Variants in AKAP10 observed in about 807,000 individuals in gnomAD.
The protein encoded by AKAP10 is A-kinase anchoring protein 10.
In AKAP10, 24 loss-of-function variants were observed where a neutral mutation model predicts 80.8. That is an observed-to-expected ratio of 0.30 (90% confidence interval 0.22 to 0.42). AKAP10 has a LOEUF of 0.42. Among genes scored for constraint, AKAP10 ranks in the 10% least tolerant of loss-of-function variants. The pLI is 1.00. For missense variants in AKAP10, 661 were observed against 794.9 expected (o/e 0.83, Z 2.03); for synonymous variants, 291 against 277.7 (o/e 1.05, Z -0.48).
intron 5 of AKAP10, among the ~76,000 whole-genome samples, chr17:19,946,249 ATATATATATATATATATATATATATATT>A: frequency 5.9e-5 from 1 of 16,976 alleles, no homozygotes; most frequent in Non-Finnish European, 9.5e-5. Flanking sequence ...ATATATATAT[ATATATATATATATATATATATATATATT>A]TTTTTTTTTT....
rs375807748 is a variant in AKAP10 at position 19,955,221 on chromosome 17, C to CA, written c.877+2792dup. Among the ~76,000 whole-genome samples the CA allele has an allele frequency of 3.9e-3, 506 of 128,876 alleles. 2 individuals are homozygous for CA. The highest frequency in any genetic ancestry group is 0.012 in the African/African-American group (400 of 34,762). 84.5% of individuals were successfully genotyped at this position (128,876 alleles called of 152,430 possible). A position where few individuals can be genotyped will look rare whatever the true frequency, so the allele number is the denominator to read the frequency against. ...CGGGCGACAGAGCAAGACGCTGTCT[C>CA]AAAAAAAAAAATAAGAAAAAAAAAG... On this transcript the variant is annotated intron_variant, in intron 4 of 14. Coordinates refer to ENST00000225737, the MANE Select transcript of AKAP10 (RefSeq NM_007202.4).
intron 10 of AKAP10, among the ~76,000 whole-genome samples, chr17:19,930,432 A>C (rs1198443897): frequency 6.6e-6 from 1 of 152,160 alleles, no homozygotes; most frequent in African/African-American, 2.4e-5. Flanking sequence ...AACCCAAAAA[A>C]GGTCAAGGAA....
At chr17:19,946,237 T>TAATATATATA (rs1491288818) in intron 5 of AKAP10, among the ~76,000 whole-genome samples, 3 of 15,176 alleles carry the variant, frequency 2.0e-4, no homozygotes, top group Non-Finnish European at 3.1e-4. Flanking sequence ...TATATATATA[T>TAATATATATA]TATATATATA....
At chr17:19,913,461 G>A (rs1401526208) in intron 12 of AKAP10, among the ~76,000 whole-genome samples, 1 of 152,010 alleles carries the variant, frequency 6.6e-6, no homozygotes, top group East Asian at 1.9e-4. Context: ...CCTAATTGTT[G>A]TATTTTTAAT....
chr17:19,951,720 A>G (rs1215664576), intron 4 of AKAP10, among the ~76,000 whole-genome samples: 1 of 151,774 alleles, frequency 6.6e-6, no homozygotes, highest in African/African-American at 2.4e-5. Context: ...AGTCATCACC[A>G]CTCCCTAATC....
chr17:19,974,330 C>T (rs1050036030), intron 1 of AKAP10, among the ~76,000 whole-genome samples: 28 of 152,154 alleles, frequency 1.8e-4, no homozygotes, highest in African/African-American at 6.5e-4. Flanking sequence ...GTCCATCCCG[C>T]GGCCCAGGAT....
chr17:19,976,425 G>A (rs907294620), intron 1 of AKAP10, among the ~76,000 whole-genome samples: 5 of 151,680 alleles, frequency 3.3e-5, no homozygotes, highest in Non-Finnish European at 7.4e-5. Flanking sequence ...AGGTTGCAGT[G>A]AGCCGAGACT....
chr17:19,970,678 C>T (rs1234991045), intron 1 of AKAP10, among the ~76,000 whole-genome samples: 1 of 152,054 alleles, frequency 6.6e-6, no homozygotes, highest in African/African-American at 2.4e-5. Context: ...CAAGAATTAG[C>T]AGGGTGTGGT....
chr17:19,941,472 T>A (rs1176450676), intron 6 of AKAP10, among the ~76,000 whole-genome samples: 2 of 152,226 alleles, frequency 1.3e-5, no homozygotes, highest in African/African-American at 4.8e-5. Flanking sequence ...AAAGCCTAAC[T>A]AACAAATTAG....
At chr17:19,916,892 G>A (rs1211480932) in intron 12 of AKAP10, among the ~76,000 whole-genome samples, 1 of 150,696 alleles carries the variant, frequency 6.6e-6, no homozygotes, top group East Asian at 2.0e-4. Flanking sequence ...AGCCGACATC[G>A]TGCCACTACA....
At chr17:19,953,883 T>C (rs2043242638) in intron 4 of AKAP10, among the ~76,000 whole-genome samples, 1 of 151,992 alleles carries the variant, frequency 6.6e-6, no homozygotes, top group Non-Finnish European at 1.5e-5. Flanking sequence ...AATACAAAAA[T>C]TAGTCGGGCA....
rs80312800 is a variant in AKAP10, at chr17:19,928,962, T to C, written c.1641+2843A>G. On this transcript the variant is annotated intron_variant, in intron 10 of 14. Coordinates refer to ENST00000225737, the MANE Select transcript of AKAP10 (RefSeq NM_007202.4). ...TATTGATAAATGGCAGAAAGGAGGG[T>C]ACAATTCAAATAAAATGTCATAAAT... is the stretch of plus-strand genomic sequence containing the variant. Among the ~76,000 whole-genome samples the C allele has an allele frequency of 2.7e-3, 407 of 152,132 alleles. 15 individuals carry two copies. The East Asian group carries it at 0.074, about 28-fold the overall frequency.
At chr17:19,919,088 C>A (rs2042782566) in intron 12 of AKAP10, among the ~76,000 whole-genome samples, 1 of 150,678 alleles carries the variant, frequency 6.6e-6, no homozygotes, top group Non-Finnish European at 1.5e-5. Context: ...CCCCCCACCC[C>A]ACGACAGGCC....
chr17:19,917,961 TTG>T (rs1272479429), intron 12 of AKAP10, among the ~76,000 whole-genome samples: 1 of 151,212 alleles, frequency 6.6e-6, no homozygotes, highest in Non-Finnish European at 1.5e-5. Context: ...TGGCTCACAC[TTG>T]TAATCTCAGC....
chr17:19,908,794 C>T (rs2042659672), intron 14 of AKAP10, among the ~76,000 whole-genome samples: 1 of 152,042 alleles, frequency 6.6e-6, no homozygotes, highest in African/African-American at 2.4e-5. Context: ...TGCCTGCCAC[C>T]ACACCCGGCT....
chr17:19,958,708 A>C (rs941125031), intron 3 of AKAP10, 137 bp from the exon 4 acceptor site: 6 of 686,858 alleles, frequency 8.7e-6, no homozygotes, highest in Non-Finnish European at 1.2e-5. Flanking sequence ...AAGTAAATAA[A>C]AAAACTACAA....
chr17:19,961,130 C>T (rs1030830553), intron 3 of AKAP10, among the ~76,000 whole-genome samples: 2 of 151,060 alleles, frequency 1.3e-5, no homozygotes, highest in Admixed American at 6.6e-5. Context: ...TCGCTTGATT[C>T]CAGGAGTTTG....
intron 1 of AKAP10, among the ~76,000 whole-genome samples, chr17:19,975,930 C>T: frequency 6.6e-6 from 1 of 152,148 alleles, no homozygotes; most frequent in Admixed American, 6.5e-5. Flanking sequence ...CCCTGCCTTA[C>T]CAATAAAGCT....
Position 19,958,173 on chromosome 17 carries a change from G to A in AKAP10, c.718C>T (p.Gln240Ter). 1.2e-6 allele frequency: 2 copies of A among 1,614,142 alleles called. No homozygotes were observed. The highest frequency in any genetic ancestry group is 8.5e-7 in the Non-Finnish European group (1 of 1,180,030). Reference protein sequence around the residue: ...NSTQNHLLLSQECDSAHSLRL... With the variant: ...NSTQNHLLLS ...AGAGAATGGGCACTGTCACATTCCT[G>A]GGAAAGCAGCAAGTGATTCTGAGTG... is the stretch of plus-strand genomic sequence containing the variant. Residue 240 changes from glutamine to a stop codon, truncating the protein, a stop_gained, in exon 4 of 15, where the codon CAG becomes TAG. Transcript: ENST00000225737. LOFTEE classifies it high-confidence loss of function.
Sources: allele counts gnomAD v4.1 joint callset (sites outside exome capture counted in the v4.1 genomes callset), GRCh38; gene constraint gnomAD v4.1.1; transcripts MANE v1.5; gene names NCBI Gene and HGNC (gene_info 2026-07-23, HGNC 2026-07-21).